Variants in CDC73 observed in about 807,000 individuals in gnomAD.
The protein encoded by CDC73 is cell division cycle 73, also known as parafibromin.
In CDC73, 21 loss-of-function variants were observed where a neutral mutation model predicts 83.7. The ratio of observed to expected loss-of-function variants is 0.25; its 90% CI spans 0.18 to 0.36. The LOEUF (loss-of-function observed/expected upper bound fraction) is 0.36. Among genes scored for constraint, CDC73 ranks in the 10% least tolerant of loss-of-function variants. CDC73 has a pLI of 1.00. For missense variants in CDC73, 342 were observed against 653.3 expected, an observed-to-expected ratio of 0.52 and a Z score of 5.19; for synonymous variants, 224 against 212.9, an observed-to-expected ratio of 1.05 and a Z score of -0.45.
chr1:193,125,514 G>A (rs762463001), intron 2 of CDC73, among the ~76,000 whole-genome samples: 6 of 152,064 alleles, frequency 3.9e-5, no homozygotes, highest in African/African-American at 9.7e-5. Context: ...CTCCTGCCTC[G>A]GCCTCCCGAA....
intron 11 of CDC73, among the ~76,000 whole-genome samples, chr1:193,205,831 T>G (rs964140537): frequency 3.9e-5 from 6 of 152,090 alleles, no homozygotes; most frequent in African/African-American, 1.4e-4. Context: ...GAAATAGGGA[T>G]GGACAGATGG....
At chr1:193,125,469 C>T (rs969459230) in intron 2 of CDC73, among the ~76,000 whole-genome samples, 1 of 152,142 alleles carries the variant, frequency 6.6e-6, no homozygotes, top group African/African-American at 2.4e-5. Flanking sequence ...GCTGTGTTGC[C>T]TAGGCTGGTC....
At chr1:193,139,202 A>AT (rs1480884746) in intron 6 of CDC73, among the ~76,000 whole-genome samples, 2 of 150,854 alleles carry the variant, frequency 1.3e-5, no homozygotes, top group Non-Finnish European at 3.0e-5. Context: ...ACTTTACTTA[A>AT]TTTTTTTTAT....
At chr1:193,193,555 A>G (rs926095624) in intron 10 of CDC73, among the ~76,000 whole-genome samples, 2 of 152,162 alleles carry the variant, frequency 1.3e-5, no homozygotes, top group Non-Finnish European at 2.9e-5. Context: ...TCTCATAGAA[A>G]ATAGAATTGC....
chr1:193,164,764 G>C (rs1676405859), intron 10 of CDC73, among the ~76,000 whole-genome samples: 1 of 152,180 alleles, frequency 6.6e-6, no homozygotes, highest in Non-Finnish European at 1.5e-5. Context: ...TCCCTTGCCA[G>C]ATGGATATGA....
At chr1:193,214,427 C>G (rs1035356919) in intron 13 of CDC73, among the ~76,000 whole-genome samples, 1 of 152,110 alleles carries the variant, frequency 6.6e-6, no homozygotes, top group East Asian at 1.9e-4. Flanking sequence ...ATTAAAAATG[C>G]AGATTATTGG....
At chr1:193,243,954 A>G (rs1400569060) in intron 15 of CDC73, among the ~76,000 whole-genome samples, 2 of 152,244 alleles carry the variant, frequency 1.3e-5, no homozygotes, top group African/African-American at 4.8e-5. Flanking sequence ...CAAGCAATCC[A>G]TAAAATAGCT....
intron 13 of CDC73, among the ~76,000 whole-genome samples, chr1:193,230,299 C>T (rs1011290012): frequency 1.3e-5 from 2 of 151,626 alleles, no homozygotes; most frequent in African/African-American, 4.9e-5. Context: ...CAAGCGCACG[C>T]CACCACACCT....
intron 12 of CDC73, 65 bp downstream of exon 12, chr1:193,212,165 A>C: frequency 7.6e-7 from 1 of 1,321,396 alleles, no homozygotes; most frequent in Non-Finnish European, 1.1e-6. Context: ...ACCAGGCCTG[A>C]TAATTTTCTT....
intron 13 of CDC73, among the ~76,000 whole-genome samples, chr1:193,223,416 A>T (rs1677507428): frequency 6.6e-6 from 1 of 152,110 alleles, no homozygotes; most frequent in African/African-American, 2.4e-5. Flanking sequence ...TCTCTATTGG[A>T]GGTTTTAAAT....
At chr1:193,226,929 G>A (rs1677575915) in intron 13 of CDC73, among the ~76,000 whole-genome samples, 1 of 152,134 alleles carries the variant, frequency 6.6e-6, no homozygotes, top group South Asian at 2.1e-4. Flanking sequence ...CAATTCAGCT[G>A]TGAATCCTTC....
Position 193,222,985 on chromosome 1 carries a change from C to T in CDC73, c.1155-10008C>T, listed in dbSNP as rs116338316. On this transcript the variant is annotated intron_variant, in intron 13 of 16. Coordinates refer to ENST00000367435, the MANE Select transcript of CDC73 (RefSeq NM_024529.5). ...GCCACACCTTAATCTGATCTTAAGC[C>T]TATCCATTGCACCTTAAACTTCAGA... 6.2e-3 allele frequency among the ~76,000 whole-genome samples: 943 copies of T among 152,110 alleles called. 27 individuals are homozygous for T. Among genetic ancestry groups the T allele is most frequent in the Non-Finnish European group, 2.9e-3 (200 of 67,992 alleles).
intron 11 of CDC73, among the ~76,000 whole-genome samples, chr1:193,208,425 A>G (rs1339442166): frequency 6.6e-6 from 1 of 152,236 alleles, no homozygotes; most frequent in Non-Finnish European, 1.5e-5. Flanking sequence ...CCATCTTTCT[A>G]GAAATTCATT....
chr1:193,197,387 T>C (rs1243176235), intron 10 of CDC73, among the ~76,000 whole-genome samples: 2 of 152,152 alleles, frequency 1.3e-5, no homozygotes, highest in African/African-American at 4.8e-5. Context: ...TAAAAGAAAA[T>C]TGTTTAACAG....
chr1:193,238,737 ATAAAG>A (rs1431239136), intron 15 of CDC73, among the ~76,000 whole-genome samples: 4 of 152,224 alleles, frequency 2.6e-5, no homozygotes, highest in Admixed American at 2.0e-4. Flanking sequence ...TATTCTTATG[ATAAAG>A]TAAGTAGAGA....
intron 10 of CDC73, among the ~76,000 whole-genome samples, chr1:193,166,066 T>G (rs1676429036): frequency 1.3e-5 from 2 of 152,216 alleles, no homozygotes; most frequent in African/African-American, 4.8e-5. Context: ...CTTAGAAACT[T>G]TAATGTGAAA....
chr1:193,211,473 T>G (rs1677279828), intron 11 of CDC73, among the ~76,000 whole-genome samples: 1 of 152,150 alleles, frequency 6.6e-6, no homozygotes, highest in African/African-American at 2.4e-5. Flanking sequence ...TAGTAGAGAT[T>G]TTCACCTTTT....
intron 13 of CDC73, among the ~76,000 whole-genome samples, chr1:193,225,396 G>A (rs1677550233): frequency 6.6e-6 from 1 of 151,984 alleles, no homozygotes; most frequent in Non-Finnish European, 1.5e-5. Flanking sequence ...TTTGTATCAT[G>A]ACTTCTTTTC....
intron 15 of CDC73, among the ~76,000 whole-genome samples, chr1:193,242,558 C>T (rs1047409634): frequency 6.6e-6 from 1 of 152,240 alleles, no homozygotes; most frequent in African/African-American, 2.4e-5. Flanking sequence ...TTTGTTGACC[C>T]TCCTGGTAAC....
Sources: allele counts gnomAD v4.1 joint callset (sites outside exome capture counted in the v4.1 genomes callset), GRCh38; gene constraint gnomAD v4.1.1; transcripts MANE v1.5; gene names NCBI Gene and HGNC (gene_info 2026-07-23, HGNC 2026-07-21).